Variants in TRMT11 observed in about 807,000 individuals in gnomAD.
TRMT11 encodes tRNA (guanine(10)-N(2))-methyltransferase TRMT11.
Under a neutral mutation model 62.8 loss-of-function variants are expected in TRMT11, and 53 were observed. The ratio of observed to expected loss-of-function variants is 0.84; its 90% CI spans 0.68 to 1.06. The LOEUF is 1.06. Among genes scored for constraint, TRMT11 ranks in the 50% least tolerant of loss-of-function variants. TRMT11 has a pLI of 0.00. For missense variants in TRMT11, 556 were observed against 553.4 expected (o/e 1.00, Z -0.05); for synonymous variants, 188 against 190.3 (o/e 0.99, Z 0.10).
At position 126,057,759 on chromosome 6, in the gene TRMT11, G is replaced by A. The variant is rs139488126; in HGVS notation, c.*1437+4569G>A. On this transcript the variant is annotated intron_variant and NMD_transcript_variant, in intron 17 of 22. Transcript: ENST00000648977. Reference sequence around the variant, plus strand: ...TCAGTCCGTCAAACACGGCGTCTGCGTGTGAGTTGGTTTTAGCATTTTGAC... The same window carrying A: ...TCAGTCCGTCAAACACGGCGTCTGCATGTGAGTTGGTTTTAGCATTTTGAC... Among the ~76,000 whole-genome samples, 16 of 152,270 alleles carry A rather than the reference G, an allele frequency of 1.1e-4. No homozygotes were observed. The East Asian group carries it at 1.9e-3, about 18-fold the overall frequency.
the TRMT11 span, among the ~76,000 whole-genome samples, chr6:126,264,848 A>C: frequency 6.6e-6 from 1 of 152,120 alleles, no homozygotes; most frequent in Non-Finnish European, 1.5e-5. Flanking sequence ...GGATTCATCA[A>C]GCCAAAATCA....
chr6:126,184,718 A>T (rs1252881468), intron 1 of TRMT11, among the ~76,000 whole-genome samples: 1 of 152,144 alleles, frequency 6.6e-6, no homozygotes, highest in Non-Finnish European at 1.5e-5. Context: ...AAGATTGTAG[A>T]CCCAGCCAGT....
chr6:126,145,836 T>G (rs930591062), intron 21 of TRMT11, among the ~76,000 whole-genome samples: 1 of 152,216 alleles, frequency 6.6e-6, no homozygotes, highest in Non-Finnish European at 1.5e-5. Context: ...TAAGCTCCTT[T>G]TTTATGTTTT....
chr6:126,084,140 T>C (rs772695208), intron 17 of TRMT11, among the ~76,000 whole-genome samples: 38 of 152,186 alleles, frequency 2.5e-4, no homozygotes, highest in Non-Finnish European at 5.0e-4. Flanking sequence ...ATAGTAGTTT[T>C]AATTTTAATT....
intron 18 of TRMT11, among the ~76,000 whole-genome samples, chr6:126,113,548 C>T (rs565301815): frequency 1.3e-5 from 2 of 152,148 alleles, no homozygotes; most frequent in East Asian, 3.9e-4. Context: ...TTCATTCCTT[C>T]ATCCATCTAC....
At chr6:126,057,712 T>C (rs998850071) in intron 17 of TRMT11, among the ~76,000 whole-genome samples, 1 of 151,822 alleles carries the variant, frequency 6.6e-6, no homozygotes, top group African/African-American at 2.4e-5. Context: ...ACACAGAAAA[T>C]GTGTCATCTA....
chr6:126,131,464 CTAAGTA>C (rs1341163682), intron 21 of TRMT11, among the ~76,000 whole-genome samples: 2 of 151,954 alleles, frequency 1.3e-5, no homozygotes, highest in African/African-American at 2.4e-5. Flanking sequence ...AACAGTATGT[CTAAGTA>C]TATTTCAAGT....
chr6:126,148,257 A>G (rs1157995803), intron 21 of TRMT11, among the ~76,000 whole-genome samples: 2 of 152,204 alleles, frequency 1.3e-5, no homozygotes, highest in Non-Finnish European at 2.9e-5. Flanking sequence ...CTGGCAAAGG[A>G]CACATGGCTT....
At chr6:126,094,716 T>C (rs75307548) in intron 17 of TRMT11, among the ~76,000 whole-genome samples, 43 of 152,362 alleles carry the variant, frequency 2.8e-4, no homozygotes, top group African/African-American at 1.0e-3. Context: ...TCTTAATTAC[T>C]GATGTGTGAG....
chr6:126,089,934 G>C (rs1232786103), intron 17 of TRMT11, among the ~76,000 whole-genome samples: 1 of 152,138 alleles, frequency 6.6e-6, no homozygotes, highest in African/African-American at 2.4e-5. Context: ...ACTACCTTCA[G>C]CTTAAATCCA....
intron 11 of TRMT11, among the ~76,000 whole-genome samples, chr6:126,019,898 G>A (rs1795571915): frequency 6.6e-6 from 1 of 152,198 alleles, no homozygotes; most frequent in Non-Finnish European, 1.5e-5. Context: ...AGAATTACTA[G>A]ATGAGGTGAA....
chr6:126,206,333 G>T (rs1460421888), downstream of TRMT11, among the ~76,000 whole-genome samples: 1 of 152,080 alleles, frequency 6.6e-6, no homozygotes, highest in African/African-American at 2.4e-5. Flanking sequence ...AGATCTTAGG[G>T]ATCTTGTTAA....
chr6:126,238,399 T>C, the TRMT11 span, among the ~76,000 whole-genome samples: 1 of 152,360 alleles, frequency 6.6e-6, no homozygotes. Context: ...CCAGAGATTC[T>C]GGTATGTTGT....
chr6:126,202,037 C>T (rs1256114341), exon 4 of TRMT11: 2 of 152,222 alleles, frequency 1.3e-5, no homozygotes, highest in East Asian at 1.9e-4. Context: ...GAGTCCACCA[C>T]GGAGAAGATG....
the TRMT11 span, among the ~76,000 whole-genome samples, chr6:126,247,342 C>T: frequency 3.0e-4 from 45 of 151,744 alleles, no homozygotes; most frequent in African/African-American, 9.9e-4. Context: ...CACACATGCA[C>T]GCACACACGC....
intron 12 of TRMT11, among the ~76,000 whole-genome samples, chr6:126,027,380 C>G (rs2128021846): frequency 6.6e-6 from 1 of 152,212 alleles, no homozygotes; most frequent in East Asian, 1.9e-4. Flanking sequence ...TCAAGATTTC[C>G]TTGAAATCTT....
the TRMT11 span, among the ~76,000 whole-genome samples, chr6:126,247,969 G>A: frequency 6.6e-6 from 1 of 152,082 alleles, no homozygotes; most frequent in Admixed American, 6.6e-5. Context: ...GAAGGGTAAA[G>A]AGGAGATTTT....
chr6:126,166,601 T>G (rs1264094084), intron 21 of TRMT11, among the ~76,000 whole-genome samples: 1 of 152,188 alleles, frequency 6.6e-6, no homozygotes, highest in Non-Finnish European at 1.5e-5. Context: ...AGGACCCACT[T>G]GAGGAGGCAG....
At chr6:126,160,105 A>G (rs529093787) in intron 21 of TRMT11, among the ~76,000 whole-genome samples, 5 of 152,176 alleles carry the variant, frequency 3.3e-5, no homozygotes, top group Non-Finnish European at 7.3e-5. Flanking sequence ...TCAAGAAACC[A>G]GCTTGCTCCA....
Sources: gnomAD v4.1 joint callset for allele counts (sites outside exome capture counted in the v4.1 genomes callset) on GRCh38, gnomAD v4.1.1 for gene constraint, MANE v1.5 for transcripts, NCBI Gene and HGNC (gene_info 2026-07-23, HGNC 2026-07-21) for gene names.